The following MYO9A variants were observed in gnomAD, a reference collection of about 807,000 sequenced individuals.
MYO9A encodes the protein myosin IXA.
In MYO9A, 103 loss-of-function variants were observed where a neutral mutation model predicts 293.3. That is an observed-to-expected ratio of 0.35 (90% CI 0.30 to 0.41). The LOEUF (loss-of-function observed/expected upper bound fraction) is 0.41, where lower values mean the gene tolerates loss of function less well. Among genes scored for constraint, MYO9A ranks in the 10% least tolerant of loss-of-function variants. The probability of loss-of-function intolerance (pLI) is 1.00; values close to 1 mark genes in which losing one functional copy is unlikely to be tolerated. For synonymous variants in MYO9A, 1,001 were observed against 1,035.7 expected (o/e 0.97, Z 0.64); for missense variants, 2,685 against 3,033.0 (o/e 0.89, Z 2.69).
At chr15:72,068,980 C>A (rs2079101077) in intron 1 of MYO9A, among the ~76,000 whole-genome samples, 1 of 152,254 alleles carries the variant, frequency 6.6e-6, no homozygotes, top group East Asian at 1.9e-4. Context: ...TAGACTTTGC[C>A]ACTTGTCTAA....
rs1595972277 is a variant in MYO9A, at chr15:71,826,530, T to G, written c.*50A>C. ...AGGTGATGAAACGCAGCCCCAAAGG[T>G]GAGATTTGTTTACCACTCTGTAGCC... On this transcript the variant is annotated 3_prime_UTR_variant, in exon 42 of 42. Transcript: ENST00000356056. 100 of 1,498,184 alleles carry G rather than the reference T, an allele frequency of 6.7e-5. No homozygotes were observed. Among genetic ancestry groups the G allele is most frequent in the Non-Finnish European group, 8.3e-5 (93 of 1,116,406 alleles). 92.8% of individuals were successfully genotyped at this position (1,498,184 alleles called of 1,614,324 possible). A position where few individuals can be genotyped will look rare whatever the true frequency, so the allele number is the denominator to read the frequency against.
chr15:71,856,389 G>GT (rs1321974361), intron 34 of MYO9A, among the ~76,000 whole-genome samples: 6 of 151,912 alleles, frequency 3.9e-5, no homozygotes, highest in Non-Finnish European at 7.4e-5. Context: ...AACTATTATG[G>GT]AAACACAGAA....
intron 10 of MYO9A, chr15:71,993,764 G>C (rs1220273392): frequency 6.6e-6 from 1 of 152,152 alleles, no homozygotes; most frequent in African/African-American, 2.4e-5. Context: ...GAGGTCAAGA[G>C]TTCAAGACCA....
intron 6 of MYO9A, among the ~76,000 whole-genome samples, chr15:72,012,295 TTAAAA>T (rs1452828140): frequency 6.6e-6 from 1 of 152,140 alleles, no homozygotes; most frequent in East Asian, 1.9e-4. Flanking sequence ...GTCCTACTCA[TTAAAA>T]TAATTTTTTT....
chr15:71,835,879 G>A (rs2054920625), intron 39 of MYO9A, among the ~76,000 whole-genome samples: 1 of 152,084 alleles, frequency 6.6e-6, no homozygotes, highest in Non-Finnish European at 1.5e-5. Flanking sequence ...AATAGTGGTG[G>A]TGTTGGTACA....
intron 1 of MYO9A, among the ~76,000 whole-genome samples, chr15:72,093,352 A>G (rs1161252783): frequency 6.6e-6 from 1 of 151,934 alleles, no homozygotes; most frequent in East Asian, 1.9e-4. Flanking sequence ...ACATAGTGAG[A>G]CCCTGTCTCT....
chr15:71,931,629 T>C (rs1460414295), intron 18 of MYO9A, among the ~76,000 whole-genome samples: 1 of 152,192 alleles, frequency 6.6e-6, no homozygotes, highest in Non-Finnish European at 1.5e-5. Flanking sequence ...TGGAGTTCTA[T>C]TTCCCCAGGC....
chr15:71,830,043 A>C, intron 40 of MYO9A, 66 bp downstream of exon 40: 2 of 1,484,428 alleles, frequency 1.3e-6, no homozygotes, highest in South Asian at 2.4e-5. Flanking sequence ...AAAAATAAAG[A>C]AACGATAGAA....
rs1158678203 is a variant in MYO9A at position 71,826,009 on chromosome 15, G to GTTTTTTTTTT, written c.*561_*570dup. On this transcript the variant is annotated 3_prime_UTR_variant, in exon 42 of 42. Transcript: ENST00000356056. Reference sequence around the variant, plus strand: ...GGTTTTTTTTTGTTTTTTTTTTTTTGTTTTTTTTTTTTGTTTTTGCTTTCC... The same window carrying GTTTTTTTTTT: ...GGTTTTTTTTTGTTTTTTTTTTTTTGTTTTTTTTTTTTTTTTTTTTTTGTTTTTGCTTTCC... The GTTTTTTTTTT allele has an allele frequency of 3.1e-5, 2 of 64,192 alleles. No homozygotes were observed. The highest frequency in any genetic ancestry group is 3.1e-5 in the Non-Finnish European group (1 of 31,882). 4.0% of individuals were successfully genotyped at this position (64,192 alleles called of 1,614,324 possible). A position where few individuals can be genotyped will look rare whatever the true frequency, so the allele number is the denominator to read the frequency against.
At chr15:71,880,618 A>C in intron 28 of MYO9A, 60 bp from the exon 29 acceptor site, 1 of 1,397,060 alleles carries the variant, frequency 7.2e-7, no homozygotes, top group Non-Finnish European at 9.8e-7. Context: ...GATAATCTTC[A>C]CATCCTTCTT....
chr15:71,930,975 T>C (rs1033898472), intron 18 of MYO9A, among the ~76,000 whole-genome samples: 4 of 152,188 alleles, frequency 2.6e-5, no homozygotes, highest in Non-Finnish European at 5.9e-5. Context: ...TACTCACCCT[T>C]CATGTTTTAT....
intron 1 of MYO9A, among the ~76,000 whole-genome samples, chr15:72,048,136 A>AT (rs1425538206): frequency 6.6e-6 from 1 of 152,124 alleles, no homozygotes; most frequent in Admixed American, 6.6e-5. Flanking sequence ...GTGGTGGCTC[A>AT]TATCTGTAAT....
At chr15:71,912,483 T>C (rs967885338) in intron 19 of MYO9A, among the ~76,000 whole-genome samples, 2 of 152,216 alleles carry the variant, frequency 1.3e-5, no homozygotes, top group Admixed American at 1.3e-4. Context: ...CTCGAACTCC[T>C]GACCTTGGGT....
At chr15:71,832,222 G>A (rs1338312988) in intron 39 of MYO9A, among the ~76,000 whole-genome samples, 1 of 152,176 alleles carries the variant, frequency 6.6e-6, no homozygotes, top group African/African-American at 2.4e-5. Flanking sequence ...GTTGCAGTGA[G>A]CCAAGATTAC....
intron 12 of MYO9A, 40 bp from the exon 13 acceptor site, chr15:71,968,165 A>G (rs2075924128): frequency 6.7e-7 from 1 of 1,489,594 alleles, no homozygotes; most frequent in Non-Finnish European, 9.0e-7. Flanking sequence ...TTACAGAAAG[A>G]TGAGAAAGAT....
Position 71,897,433 on chromosome 15 carries a change from T to C in MYO9A, c.5042+28A>G, listed in dbSNP as rs1366353759. The C allele has an allele frequency of 2.6e-6, 4 of 1,554,056 alleles. No individual in the cohort carries two copies. In the African/African-American group the frequency reaches 4.1e-5, roughly 16 times the overall value. ...TAAAAATACTCCAAGAAGTTTCCCA[T>C]TTATACATAAATAAACATTTCACTT... On this transcript the variant is annotated intron_variant, in intron 25 of 41. Coordinates refer to ENST00000356056, the MANE Select transcript of MYO9A (RefSeq NM_006901.4).
intron 1 of MYO9A, among the ~76,000 whole-genome samples, chr15:72,057,621 C>T (rs1028018397): frequency 2.0e-5 from 3 of 152,186 alleles, no homozygotes; most frequent in Non-Finnish European, 4.4e-5. Flanking sequence ...TACTGAGATT[C>T]TGTACTGGAA....
intron 1 of MYO9A, among the ~76,000 whole-genome samples, chr15:72,059,541 A>C (rs980945272): frequency 3.4e-4 from 52 of 152,334 alleles, no homozygotes; most frequent in African/African-American, 1.3e-3. Context: ...TTAGCCTATT[A>C]CGTTTTTATT....
At chr15:72,038,017 C>A (rs1038646175) in intron 2 of MYO9A, among the ~76,000 whole-genome samples, 24 of 151,868 alleles carry the variant, frequency 1.6e-4, no homozygotes, top group Non-Finnish European at 8.8e-5. Flanking sequence ...TGAGCTCAAG[C>A]CATCCTCCCA....
Sources: allele counts gnomAD v4.1 joint callset (sites outside exome capture counted in the v4.1 genomes callset), GRCh38; gene constraint gnomAD v4.1.1; transcripts MANE v1.5; gene names NCBI Gene and HGNC (gene_info 2026-07-23, HGNC 2026-07-21).